CNTN5: variants seen among roughly 807,000 people sequenced by gnomAD.
CNTN5 encodes the protein contactin 5, also known as contactin-5.
CNTN5 carries 77 observed loss-of-function variants against 129.1 expected under a neutral mutation model. The ratio of observed to expected loss-of-function variants is 0.60; its 90% CI spans 0.50 to 0.72. The LOEUF (loss-of-function observed/expected upper bound fraction) is 0.72, where lower values mean the gene tolerates loss of function less well. CNTN5 is among the 30% of genes least tolerant of loss of function. CNTN5 has a pLI of 0.00. For missense variants in CNTN5, 1,478 were observed against 1,328.8 expected (o/e 1.11, Z -1.75); for synonymous variants, 509 against 465.6 (o/e 1.09, Z -1.20).
intron 3 of CNTN5, among the ~76,000 whole-genome samples, chr11:99,681,681 T>C (rs887516087): frequency 2.0e-4 from 30 of 152,076 alleles, no homozygotes; most frequent in African/African-American, 7.2e-4. Flanking sequence ...TTCATTGCAG[T>C]TGTCTAGAAC....
intron 18 of CNTN5, among the ~76,000 whole-genome samples, chr11:100,272,721 A>C (rs990498017): frequency 3.3e-5 from 5 of 152,152 alleles, no homozygotes; most frequent in African/African-American, 1.2e-4. Context: ...ACGCGGGGCT[A>C]CAGCACACCC....
intron 1 of CNTN5, among the ~76,000 whole-genome samples, chr11:99,259,392 T>A (rs1350596660): frequency 6.6e-6 from 1 of 151,914 alleles, no homozygotes; most frequent in African/African-American, 2.4e-5. Flanking sequence ...TGTCACCATT[T>A]TTTTGCTTAA....
chr11:99,597,862 C>T (rs1314402502), intron 3 of CNTN5, among the ~76,000 whole-genome samples: 1 of 151,938 alleles, frequency 6.6e-6, no homozygotes, highest in African/African-American at 2.4e-5. Flanking sequence ...TGGTGTGGGG[C>T]CATGGAAGTG....
At chr11:99,471,178 A>G (rs1945157998) in intron 2 of CNTN5, among the ~76,000 whole-genome samples, 1 of 151,986 alleles carries the variant, frequency 6.6e-6, no homozygotes, top group South Asian at 2.1e-4. Flanking sequence ...TCTAATAAAC[A>G]TTTTCCTTAA....
chr11:99,909,507 C>T (rs914356293), intron 6 of CNTN5, among the ~76,000 whole-genome samples: 4 of 152,096 alleles, frequency 2.6e-5, no homozygotes, highest in African/African-American at 9.7e-5. Context: ...AAGACATATA[C>T]ACACGTTATG....
At chr11:99,742,990 T>C (rs535742499) in intron 3 of CNTN5, among the ~76,000 whole-genome samples, 13 of 152,204 alleles carry the variant, frequency 8.5e-5, no homozygotes, top group Non-Finnish European at 1.6e-4. Flanking sequence ...CTTGTGTGGC[T>C]AAACTCAGCA....
chr11:99,304,976 G>C (rs76048531), intron 1 of CNTN5, among the ~76,000 whole-genome samples: 1 of 152,184 alleles, frequency 6.6e-6, no homozygotes, highest in Non-Finnish European at 1.5e-5. Context: ...TTAGCCCACA[G>C]ATCTGGGGTA....
intron 13 of CNTN5, among the ~76,000 whole-genome samples, chr11:100,164,026 A>G (rs1947540904): frequency 6.6e-6 from 1 of 151,828 alleles, no homozygotes; most frequent in Non-Finnish European, 1.5e-5. Flanking sequence ...CTAACCACAA[A>G]GGTGAGTTTG....
At chr11:99,854,411 C>T (rs1172658861) in intron 6 of CNTN5, among the ~76,000 whole-genome samples, 2 of 152,136 alleles carry the variant, frequency 1.3e-5, no homozygotes, top group Non-Finnish European at 2.9e-5. Flanking sequence ...CCAGAGAACT[C>T]TGTAGGGAAA....
At chr11:99,357,461 T>A (rs896060953) in intron 2 of CNTN5, among the ~76,000 whole-genome samples, 8 of 151,982 alleles carry the variant, frequency 5.3e-5, no homozygotes, top group African/African-American at 1.9e-4. Context: ...TTTGCAAGCT[T>A]GAAAACACAC....
At chr11:99,987,582 G>C (rs993897478) in intron 8 of CNTN5, among the ~76,000 whole-genome samples, 1 of 151,168 alleles carries the variant, frequency 6.6e-6, no homozygotes, top group Non-Finnish European at 1.5e-5. Context: ...CACAGAGAGA[G>C]AGGAAAGAGA....
At chr11:99,358,351 C>A (rs1198172695) in intron 2 of CNTN5, among the ~76,000 whole-genome samples, 4 of 147,104 alleles carry the variant, frequency 2.7e-5, no homozygotes, top group Non-Finnish European at 6.0e-5. Context: ...GCCTCGGCCT[C>A]CCAAAGTGCT....
chr11:99,516,401 A>G (rs1174434324), intron 2 of CNTN5, among the ~76,000 whole-genome samples: 1 of 152,172 alleles, frequency 6.6e-6, no homozygotes, highest in African/African-American at 2.4e-5. Flanking sequence ...AACGAACTCC[A>G]TATAGACTAG....
chr11:99,600,401 A>G (rs1335610995), intron 3 of CNTN5, among the ~76,000 whole-genome samples: 1 of 152,218 alleles, frequency 6.6e-6, no homozygotes, highest in Non-Finnish European at 1.5e-5. Context: ...GACACATTTA[A>G]TTATTTGCAT....
chr11:99,734,029 G>C lies in CNTN5; in HGVS notation c.56-85515G>C, dbSNP rs113514152. Among the ~76,000 whole-genome samples the C allele has an allele frequency of 3.8e-3, 578 of 152,292 alleles. 2 individuals carry two copies. The highest frequency in any genetic ancestry group is 0.012 in the African/African-American group (507 of 41,550). On this transcript the variant is annotated intron_variant, in intron 3 of 24. Transcript: ENST00000524871. ...TGCTATAGGCTTCTTACTGTGGTCA[G>C]CTTCTTTGTGGTGTTTGGAGTCTTC...
chr11:99,907,442 A>G (rs1949538807), intron 6 of CNTN5, among the ~76,000 whole-genome samples: 3 of 152,006 alleles, frequency 2.0e-5, no homozygotes, highest in Non-Finnish European at 4.4e-5. Flanking sequence ...TATTCTTCAA[A>G]TAAGGAACAA....
At chr11:99,128,843 C>G (rs945530231) in intron 1 of CNTN5, among the ~76,000 whole-genome samples, 2 of 152,112 alleles carry the variant, frequency 1.3e-5, no homozygotes, top group African/African-American at 4.8e-5. Context: ...AGTAGACCCC[C>G]AGCACACTGC....
At chr11:100,172,973 G>A (rs1018341870) in intron 13 of CNTN5, among the ~76,000 whole-genome samples, 1 of 152,062 alleles carries the variant, frequency 6.6e-6, no homozygotes, top group African/African-American at 2.4e-5. Flanking sequence ...TAGCAGAATT[G>A]CAGTAACATA....
At chr11:99,896,780 G>A (rs115628603) in intron 6 of CNTN5, among the ~76,000 whole-genome samples, 287 of 152,228 alleles carry the variant, frequency 1.9e-3, no homozygotes, top group African/African-American at 6.7e-3. Context: ...CACACAACAT[G>A]CCCCATAGCT....
Sources: allele counts gnomAD v4.1 joint callset (sites outside exome capture counted in the v4.1 genomes callset), GRCh38; gene constraint gnomAD v4.1.1; transcripts MANE v1.5; gene names NCBI Gene and HGNC (gene_info 2026-07-23, HGNC 2026-07-21).